Variants in MYO16 observed in about 807,000 individuals in gnomAD.
MYO16 encodes the protein myosin XVI.
A neutral mutation model predicts 205.3 loss-of-function variants in MYO16; 94 were observed. The observed-to-expected ratio is 0.46, with a 90% CI of 0.39 to 0.54. The LOEUF (loss-of-function observed/expected upper bound fraction) is 0.54. Ranked by LOEUF, MYO16 falls within the 20% of genes least tolerant of loss-of-function variation. MYO16 has a pLI of 0.00. For missense variants in MYO16, 2,315 were observed against 2,387.5 expected, an observed-to-expected ratio of 0.97 and a Z score of 0.63; for synonymous variants, 988 against 954.0, an observed-to-expected ratio of 1.04 and a Z score of -0.66.
intron 11 of MYO16, among the ~76,000 whole-genome samples, chr13:108,865,032 T>C (rs1168406206): frequency 6.6e-6 from 1 of 152,188 alleles, no homozygotes; most frequent in Admixed American, 6.5e-5. Context: ...GATTTAGTTT[T>C]CTGGTGGGTG....
At chr13:108,779,176 G>A (rs754791200) in intron 4 of MYO16, among the ~76,000 whole-genome samples, 4 of 152,130 alleles carry the variant, frequency 2.6e-5, no homozygotes, top group Non-Finnish European at 5.9e-5. Flanking sequence ...ACTGGCATGC[G>A]CCTCAGCAGT....
chr13:108,793,735 G>T (rs1594298657), intron 6 of MYO16, 95 bp downstream of exon 6: 1 of 287,714 alleles, frequency 3.5e-6, no homozygotes, highest in Admixed American at 7.4e-5. Flanking sequence ...TTAAATAATT[G>T]TTGTGATCAT....
At chr13:109,072,479 ATAAT>A (rs755583089) in intron 27 of MYO16, among the ~76,000 whole-genome samples, 2 of 152,216 alleles carry the variant, frequency 1.3e-5, no homozygotes, top group Non-Finnish European at 2.9e-5. Context: ...TGCTCTTGAA[ATAAT>A]TAATACAGAT....
chr13:109,117,398 G>GTA (rs111482652), intron 28 of MYO16, among the ~76,000 whole-genome samples: 1,787 of 146,024 alleles, frequency 0.012, 42 homozygotes, highest in African/African-American at 0.041. Flanking sequence ...GTGTATATAT[G>GTA]TATATATATA....
At chr13:108,937,881 C>G (rs1170495529) in intron 16 of MYO16, among the ~76,000 whole-genome samples, 1 of 152,150 alleles carries the variant, frequency 6.6e-6, no homozygotes. Flanking sequence ...CCTGTCATTT[C>G]TGACTTTCCA....
At chr13:108,967,001 T>A (rs1335005983) in intron 20 of MYO16, among the ~76,000 whole-genome samples, 2 of 152,120 alleles carry the variant, frequency 1.3e-5, no homozygotes, top group African/African-American at 4.8e-5. Flanking sequence ...GCACATTGAT[T>A]GTGATAGAAT....
chr13:108,817,428 T>G (rs145968754), intron 7 of MYO16, among the ~76,000 whole-genome samples: 1 of 152,340 alleles, frequency 6.6e-6, no homozygotes, highest in Non-Finnish European at 1.5e-5. Context: ...ATTTCTGTGT[T>G]TTATTTATCT....
chr13:108,538,482 G>C, the MYO16 span, among the ~76,000 whole-genome samples: 60 of 152,110 alleles, frequency 3.9e-4, no homozygotes, highest in African/African-American at 1.3e-3. Flanking sequence ...ATCAAATCCA[G>C]AACACAGTGG....
intron 6 of MYO16, among the ~76,000 whole-genome samples, chr13:108,804,214 T>A (rs890640669): frequency 6.6e-5 from 10 of 152,208 alleles, no homozygotes; most frequent in Non-Finnish European, 1.5e-5. Flanking sequence ...ACGGCTTTTA[T>A]ACCTAATGTT....
intron 2 of MYO16, among the ~76,000 whole-genome samples, chr13:108,700,838 T>A (rs1045305822): frequency 3.3e-5 from 5 of 152,176 alleles, no homozygotes; most frequent in African/African-American, 1.2e-4. Flanking sequence ...TAGAAGGCTA[T>A]GCACATGTTC....
At chr13:108,554,307 A>C in the MYO16 span, among the ~76,000 whole-genome samples, 2 of 152,158 alleles carry the variant, frequency 1.3e-5, no homozygotes, top group Non-Finnish European at 2.9e-5. Flanking sequence ...TCAACAAAAA[A>C]CAGAAATCCA....
At chr13:108,532,955 G>A in the MYO16 span, among the ~76,000 whole-genome samples, 1 of 152,090 alleles carries the variant, frequency 6.6e-6, no homozygotes, top group African/African-American at 2.4e-5. Context: ...AAGAGCAAAA[G>A]CCAGCTGGCC....
At chr13:109,151,260 G>A (rs985329156) in intron 32 of MYO16, among the ~76,000 whole-genome samples, 2 of 152,160 alleles carry the variant, frequency 1.3e-5, no homozygotes, top group African/African-American at 4.8e-5. Context: ...TGTACTCTGT[G>A]CAGAGCTTCT....
chr13:108,555,118 A>G, the MYO16 span, among the ~76,000 whole-genome samples: 1 of 152,144 alleles, frequency 6.6e-6, no homozygotes, highest in Non-Finnish European at 1.5e-5. Context: ...TAAAGCAATT[A>G]TTTATCATTT....
rs200159864 is a variant in MYO16 at position 108,665,905 on chromosome 13, C to T, written c.48C>T (p.Asn16=). The change falls in exon 2 of 35, where the codon AAC becomes AAT. Residue 16 remains asparagine, a synonymous_variant. Coordinates refer to ENST00000457511, the MANE Select transcript of MYO16 (RefSeq NM_001198950.3). ...TTCCAGGTTGCTTTCAGCTATGTAA[C>T]GTTTTTCGATCCCATGAGATGGAAA... The part of the protein sequence containing the change: ...FIKCCCFQLC[N]VFRSHEMEID... 13 of 1,613,854 alleles carry T rather than the reference C, an allele frequency of 8.1e-6. No individual in the cohort carries two copies. Among genetic ancestry groups the T allele is most frequent in the East Asian group, 2.2e-5 (1 of 44,860 alleles).
At chr13:109,114,336 G>T (rs764952929) in intron 28 of MYO16, among the ~76,000 whole-genome samples, 37 of 152,130 alleles carry the variant, frequency 2.4e-4, no homozygotes, top group Admixed American at 2.6e-4. Flanking sequence ...GATCCCAAGC[G>T]ATTAATATGC....
At chr13:108,516,207 G>A in the MYO16 span, among the ~76,000 whole-genome samples, 1 of 152,176 alleles carries the variant, frequency 6.6e-6, no homozygotes, top group South Asian at 2.1e-4. Context: ...GGTCTGAAAA[G>A]CGCAATATTC....
At chr13:108,913,121 A>G (rs1035064883) in intron 16 of MYO16, among the ~76,000 whole-genome samples, 2 of 152,212 alleles carry the variant, frequency 1.3e-5, no homozygotes, top group African/African-American at 4.8e-5. Context: ...CCAACAGGAA[A>G]GAACTTAGGA....
chr13:109,148,907 G>A (rs924645171), intron 32 of MYO16, among the ~76,000 whole-genome samples: 2 of 152,212 alleles, frequency 1.3e-5, no homozygotes, highest in Non-Finnish European at 2.9e-5. Flanking sequence ...AATAGACACT[G>A]CAGGCCAATG....
Sources: gnomAD v4.1 joint callset for allele counts (sites outside exome capture counted in the v4.1 genomes callset) on GRCh38, gnomAD v4.1.1 for gene constraint, MANE v1.5 for transcripts, NCBI Gene and HGNC (gene_info 2026-07-23, HGNC 2026-07-21) for gene names.